The following ATG5 variants were observed in gnomAD, a reference collection of about 807,000 sequenced individuals.
ATG5 encodes autophagy protein 5.
A neutral mutation model predicts 36.5 loss-of-function variants in ATG5; 14 were observed. That is an observed-to-expected ratio of 0.38 (90% CI 0.25 to 0.60). ATG5 has a LOEUF of 0.60. ATG5 is among the 20% of genes least tolerant of loss of function. The probability of loss-of-function intolerance (pLI) is 0.60; values close to 1 mark genes in which losing one functional copy is unlikely to be tolerated. For missense variants in ATG5, 195 were observed against 326.7 expected (o/e 0.60, Z 3.11); for synonymous variants, 95 against 101.5 (o/e 0.94, Z 0.38).
At position 106,234,401 on chromosome 6, in the gene ATG5, G is replaced by A. The variant is rs1348464662; in HGVS notation, c.573+13749C>T. Among the ~76,000 whole-genome samples, 3 of 152,110 alleles carry A rather than the reference G, an allele frequency of 2.0e-5. No individual in the cohort carries two copies. The East Asian group carries it at 5.8e-4, about 29-fold the overall frequency. On this transcript the variant is annotated intron_variant, in intron 6 of 7. Transcript: ENST00000369076. Reference sequence around the variant, plus strand: ...TGAACAATGGAACAACTACAGCACAGAAATAAACACCACTTCCGTTTTAGT... The same window carrying A: ...TGAACAATGGAACAACTACAGCACAAAAATAAACACCACTTCCGTTTTAGT...
At chr6:106,281,395 T>G (rs1250120253) in intron 4 of ATG5, among the ~76,000 whole-genome samples, 1 of 152,248 alleles carries the variant, frequency 6.6e-6, no homozygotes, top group Non-Finnish European at 1.5e-5. Flanking sequence ...AACACCAGAT[T>G]AGTTTTGCCT....
Position 106,293,065 on chromosome 6 carries a change from C to T in ATG5, c.278G>A (p.Ser93Asn). 6.2e-7 allele frequency: 1 copy of T among 1,613,608 alleles called. No individual in the cohort carries two copies. The highest frequency in any genetic ancestry group is 8.5e-7 in the Non-Finnish European group (1 of 1,179,706). ...TGTGATGTTCCAAGGAAGAGCTGAA[C>T]TTGATGCAAGAAGATCAAATAGCAA... is the stretch of plus-strand genomic sequence containing the variant. ...IGLLFDLLAS[S>N]SALPWNITVH... The change falls in exon 4 of 8, where the codon AGT becomes AAT. Residue 93 changes from serine to asparagine, a missense_variant. Coordinates refer to ENST00000369076, the MANE Select transcript of ATG5 (RefSeq NM_004849.4).
chr6:106,266,339 T>C (rs1425176551), intron 5 of ATG5, among the ~76,000 whole-genome samples: 1 of 152,288 alleles, frequency 6.6e-6, no homozygotes. Context: ...AGTTCTGAAA[T>C]TGAGGCAGTA....
At chr6:106,273,620 A>C (rs914482805) in intron 5 of ATG5, among the ~76,000 whole-genome samples, 1 of 127,348 alleles carries the variant, frequency 7.9e-6, no homozygotes, top group Non-Finnish European at 1.7e-5. Context: ...AAAAGAAAGA[A>C]AAGTCCAGCT....
chr6:106,244,343 G>C (rs1778248656), intron 6 of ATG5, among the ~76,000 whole-genome samples: 1 of 152,076 alleles, frequency 6.6e-6, no homozygotes, highest in African/African-American at 2.4e-5. Flanking sequence ...AATCTCTTAA[G>C]ATCTCCCATT....
intron 5 of ATG5, among the ~76,000 whole-genome samples, chr6:106,275,711 G>A (rs1779616351): frequency 6.6e-6 from 1 of 152,148 alleles, no homozygotes; most frequent in African/African-American, 2.4e-5. Context: ...GCAGTTATTA[G>A]ACTAAGTCAG....
chr6:106,246,371 G>GTCTCTCTCTCTC (rs761408773), intron 6 of ATG5, among the ~76,000 whole-genome samples: 8 of 124,604 alleles, frequency 6.4e-5, no homozygotes, highest in African/African-American at 2.3e-4. Context: ...CTCTGTCTCT[G>GTCTCTCTCTCTC]TCTCTCTCTC....
chr6:106,191,243 T>C (rs1287727375), intron 7 of ATG5, among the ~76,000 whole-genome samples: 5 of 152,196 alleles, frequency 3.3e-5, no homozygotes, highest in Non-Finnish European at 1.5e-5. Context: ...CATACCAGTG[T>C]AGAATTTTTC....
Position 106,289,662 on chromosome 6 carries a change from A to AT in ATG5, c.315+3365_315+3366insA, listed in dbSNP as rs1780223921. Among the ~76,000 whole-genome samples, 7 of 129,888 alleles carry AT rather than the reference A, an allele frequency of 5.4e-5. No homozygotes were observed. In the South Asian group the frequency reaches 1.7e-3, roughly 32 times the overall value. The allele number at this position is 129,888 out of a possible 152,430, so 85.2% of individuals were successfully genotyped here. Reference sequence around the variant, plus strand: ...TATTTACACTAGAAATTAGAGCTGAAACATTTAAAAAAAACATTAATTCAC... The same window carrying AT: ...TATTTACACTAGAAATTAGAGCTGAATACATTTAAAAAAAACATTAATTCAC... On this transcript the variant is annotated intron_variant, in intron 4 of 7. Coordinates refer to ENST00000369076, the MANE Select transcript of ATG5 (RefSeq NM_004849.4).
intron 6 of ATG5, among the ~76,000 whole-genome samples, chr6:106,210,254 A>G (rs1245776780): frequency 6.6e-6 from 1 of 152,196 alleles, no homozygotes; most frequent in African/African-American, 2.4e-5. Flanking sequence ...TGAAAAACCC[A>G]GAACAGTCAA....
chr6:106,281,647 C>A (rs1360917262), intron 4 of ATG5, among the ~76,000 whole-genome samples: 5 of 152,144 alleles, frequency 3.3e-5, no homozygotes, highest in Non-Finnish European at 7.4e-5. Context: ...CATTAATACA[C>A]AAGTCTTTTA....
intron 6 of ATG5, 67 bp downstream of exon 6, chr6:106,248,083 T>G: frequency 8.1e-7 from 1 of 1,229,794 alleles, no homozygotes; most frequent in East Asian, 2.3e-5. Flanking sequence ...AGTTCTACAC[T>G]AGAGTGCTTC....
intron 7 of ATG5, among the ~76,000 whole-genome samples, chr6:106,200,883 TAC>T (rs34936565): frequency 6.6e-6 from 1 of 151,448 alleles, no homozygotes; most frequent in African/African-American, 2.4e-5. Context: ...CAGGACATTT[TAC>T]ACACACACAC....
intron 2 of ATG5, among the ~76,000 whole-genome samples, chr6:106,310,344 T>C (rs1324740425): frequency 6.6e-6 from 1 of 152,154 alleles, no homozygotes; most frequent in Non-Finnish European, 1.5e-5. Context: ...TTAACTAATA[T>C]ATCCATAGAA....
intron 4 of ATG5, among the ~76,000 whole-genome samples, chr6:106,280,621 C>T (rs372689401): frequency 6.6e-6 from 1 of 152,074 alleles, no homozygotes; most frequent in East Asian, 1.9e-4. Context: ...GACTGATGCA[C>T]TTTTCACTGA....
intron 2 of ATG5, among the ~76,000 whole-genome samples, 157 bp from the exon 3 acceptor site, chr6:106,308,648 T>C (rs1770537747): frequency 6.6e-6 from 1 of 152,144 alleles, no homozygotes; most frequent in Non-Finnish European, 1.5e-5. Flanking sequence ...AGATCAAAGG[T>C]TAAAGGTTAA....
At chr6:106,194,625 G>T (rs1408474594) in intron 7 of ATG5, among the ~76,000 whole-genome samples, 2 of 151,600 alleles carry the variant, frequency 1.3e-5, no homozygotes, top group Admixed American at 6.6e-5. Flanking sequence ...GCAACCTCTG[G>T]CTCCTGGGTT....
At chr6:106,234,870 G>A (rs568050134) in intron 6 of ATG5, among the ~76,000 whole-genome samples, 3 of 152,320 alleles carry the variant, frequency 2.0e-5, no homozygotes, top group East Asian at 1.9e-4. Flanking sequence ...TGGTCACCTT[G>A]CAAGATCAAC....
chr6:106,235,950 C>G (rs1427325086), intron 6 of ATG5, among the ~76,000 whole-genome samples: 1 of 152,170 alleles, frequency 6.6e-6, no homozygotes, highest in African/African-American at 2.4e-5. Context: ...CCATCATGCC[C>G]TAAAAGTTCC....
Sources: gnomAD v4.1 joint callset for allele counts (sites outside exome capture counted in the v4.1 genomes callset) on GRCh38, gnomAD v4.1.1 for gene constraint, MANE v1.5 for transcripts, NCBI Gene and HGNC (gene_info 2026-07-23, HGNC 2026-07-21) for gene names.